Variants in TGM3 observed in about 807,000 individuals in gnomAD.
TGM3 encodes the protein transglutaminase 3, also known as protein-glutamine gamma-glutamyltransferase E.
TGM3 carries 52 observed loss-of-function variants against 73.8 expected under a neutral mutation model. The observed-to-expected ratio is 0.70, with a 90% CI of 0.56 to 0.89. TGM3 has a LOEUF of 0.89. TGM3 is among the 40% of genes least tolerant of loss of function. TGM3 has a pLI of 0.00. For synonymous variants in TGM3, 372 were observed against 354.9 expected, an observed-to-expected ratio of 1.05 and a Z score of -0.54; for missense variants, 928 against 909.9, an observed-to-expected ratio of 1.02 and a Z score of -0.26.
chr20:2,317,138 C>G lies in TGM3; in HGVS notation c.740C>G (p.Pro247Arg). The change falls in exon 6 of 13, where the codon CCA (proline) becomes CGA (arginine). Residue 247 changes from proline (P) to arginine (R), a missense_variant. Pro to Arg is a moderately radical substitution (Grantham distance 103). Transcript: ENST00000381458. ...GGCACTTACACCGGTGGCCGGGACC[C>G]AAGGAGCTGGAACGGCAGCGTGGAG... The part of the protein sequence containing the change: ...WSGTYTGGRD[P>R]RSWNGSVEIL... The G allele has an allele frequency of 6.2e-7, 1 of 1,614,010 alleles. No homozygotes were observed. Among genetic ancestry groups the G allele is most frequent in the Non-Finnish European group, 8.5e-7 (1 of 1,179,988 alleles).
chr20:2,296,330 G>A (rs6036076), intron 1 of TGM3, among the ~76,000 whole-genome samples: 2,738 of 152,258 alleles, frequency 0.018, 93 homozygotes, highest in African/African-American at 0.062. Context: ...GCTGGACATC[G>A]CATCTCCTTA....
rs893464840 is a variant in TGM3 at position 2,309,509 on chromosome 20, C to A, written c.8-148C>A. Reference sequence around the variant, plus strand: ...TGTTCTTGCTATGCAAGATCAAGGTCTTTGGATTTTAATGTGATTCTTTCT... The same window carrying A: ...TGTTCTTGCTATGCAAGATCAAGGTATTTGGATTTTAATGTGATTCTTTCT... On this transcript the variant is annotated intron_variant, in intron 1 of 12. Coordinates refer to ENST00000381458, the MANE Select transcript of TGM3 (RefSeq NM_003245.4). 7.4e-5 allele frequency: 56 copies of A among 757,226 alleles called. No homozygotes were observed. The African/African-American group carries it at 9.2e-4, about 12-fold the overall frequency. The allele number at this position is 757,226 out of a possible 1,614,324, so 46.9% of individuals were successfully genotyped here. A position where few individuals can be genotyped will look rare whatever the true frequency, so the allele number is the denominator to read the frequency against.
At chr20:2,335,001 G>C in intron 10 of TGM3, 115 bp from the exon 11 acceptor site, 1 of 1,347,142 alleles carries the variant, frequency 7.4e-7, no homozygotes, top group South Asian at 1.3e-5. Context: ...AGTCAAGCCC[G>C]GGGCTGCAGA....
At chr20:2,296,880 T>C (rs987359763) in intron 1 of TGM3, among the ~76,000 whole-genome samples, 3 of 152,142 alleles carry the variant, frequency 2.0e-5, no homozygotes, top group Non-Finnish European at 4.4e-5. Flanking sequence ...CCAAACAAGA[T>C]ATGAGTCAAA....
Position 2,328,815 on chromosome 20 carries a change from T to C in TGM3, c.1333+450T>C, listed in dbSNP as rs894336926. On this transcript the variant is annotated intron_variant, in intron 9 of 12. Coordinates refer to ENST00000381458, the MANE Select transcript of TGM3 (RefSeq NM_003245.4). This position sits in a 1 kb window ranked among gnomAD's most constrained non-coding sequence, Gnocchi z 5.2. ...AAAGGGACAAAGAAACCCAGAGACC[T>C]GAGCTTGCACTGTGCACATTTGGAG... Among the ~76,000 whole-genome samples the C allele has an allele frequency of 2.0e-5, 3 of 152,320 alleles. No homozygotes were observed. The highest frequency in any genetic ancestry group is 2.9e-5 in the Non-Finnish European group (2 of 68,028).
Position 2,339,886 on chromosome 20 carries a change from G to C in TGM3, c.1833G>C (p.Val611=). The C allele has an allele frequency of 6.2e-7, 1 of 1,614,156 alleles. No homozygotes were observed. The highest frequency in any genetic ancestry group is 8.5e-7 in the Non-Finnish European group (1 of 1,180,036). Reference sequence around the variant, plus strand: ...ACGAGGCTCGTGTGCGGAAGCCTGTGAACGTGCAGATGCTCTTCTCCAATC... The same window carrying C: ...ACGAGGCTCGTGTGCGGAAGCCTGTCAACGTGCAGATGCTCTTCTCCAATC... ...VLNEARVRKP[V]NVQMLFSNPL... The change falls in exon 12 of 13, where the codon GTG becomes GTC. Residue 611 remains valine (V), a synonymous_variant. Coordinates refer to ENST00000381458, the MANE Select transcript of TGM3 (RefSeq NM_003245.4).
intron 5 of TGM3, among the ~76,000 whole-genome samples, chr20:2,313,944 T>C (rs1024853088): frequency 1.3e-5 from 2 of 151,822 alleles, no homozygotes; most frequent in Admixed American, 6.6e-5. Flanking sequence ...GGTGGGGAGA[T>C]GACTTGAGCC....
At chr20:2,304,854 G>C (rs927262141) in intron 1 of TGM3, among the ~76,000 whole-genome samples, 1 of 152,186 alleles carries the variant, frequency 6.6e-6, no homozygotes, top group Non-Finnish European at 1.5e-5. Context: ...TGCTTCAGAA[G>C]TTGTCACCTG....
At chr20:2,336,476 G>C (rs1488623114) in intron 11 of TGM3, among the ~76,000 whole-genome samples, 7 of 151,772 alleles carry the variant, frequency 4.6e-5, no homozygotes, top group African/African-American at 1.7e-4. Flanking sequence ...AAACCAGGAA[G>C]AGCCAGATAA....
At chr20:2,304,445 G>A (rs1034394670) in intron 1 of TGM3, among the ~76,000 whole-genome samples, 3 of 152,190 alleles carry the variant, frequency 2.0e-5, no homozygotes, top group Non-Finnish European at 2.9e-5. Context: ...TGGAAGAGAT[G>A]TTTTCCTTCC....
intron 7 of TGM3, among the ~76,000 whole-genome samples, chr20:2,320,575 G>A (rs6048122): frequency 0.021 from 3,192 of 152,156 alleles, 116 homozygotes; most frequent in African/African-American, 0.072. Flanking sequence ...CATTTTCTAG[G>A]CCTTTCTTTT....
At chr20:2,338,690 G>A (rs1052321529) in intron 11 of TGM3, among the ~76,000 whole-genome samples, 3 of 152,164 alleles carry the variant, frequency 2.0e-5, no homozygotes, top group African/African-American at 7.2e-5. Context: ...GTTGCTCTGA[G>A]GATTAGTGAC....
intron 4 of TGM3, among the ~76,000 whole-genome samples, chr20:2,312,428 G>A (rs1405431371): frequency 4.6e-5 from 7 of 150,662 alleles, no homozygotes; most frequent in Admixed American, 1.3e-4. Flanking sequence ...AAAAGGATGG[G>A]AGGCAGAGCT....
intron 9 of TGM3, among the ~76,000 whole-genome samples, chr20:2,330,284 C>T (rs1371967787): frequency 6.6e-6 from 1 of 152,170 alleles, no homozygotes. Flanking sequence ...CAGCAGGTGA[C>T]CTATATAGGC....
chr20:2,311,440 A>G (rs1244341019), intron 4 of TGM3, among the ~76,000 whole-genome samples: 1 of 152,194 alleles, frequency 6.6e-6, no homozygotes, highest in African/African-American at 2.4e-5. Flanking sequence ...AATAAATATA[A>G]GGCCCCCAAG....
chr20:2,333,164 C>T (rs1178367979), intron 10 of TGM3, among the ~76,000 whole-genome samples: 3 of 152,168 alleles, frequency 2.0e-5, no homozygotes, highest in Non-Finnish European at 4.4e-5. Context: ...TTATTTGCTT[C>T]ACATAAGGAA....
chr20:2,322,882 A>C (rs1396628075), intron 7 of TGM3, among the ~76,000 whole-genome samples: 1 of 152,248 alleles, frequency 6.6e-6, no homozygotes, highest in African/African-American at 2.4e-5. Flanking sequence ...TAAAAACATT[A>C]TAGAAATAAG....
At chr20:2,310,099 G>T (rs1386089751) in intron 2 of TGM3, 79 bp from the exon 3 acceptor site, 4 of 1,579,570 alleles carry the variant, frequency 2.5e-6, no homozygotes, top group Non-Finnish European at 3.4e-6. Context: ...TCCCCCAGAG[G>T]GGGGTTGTAT....
chr20:2,298,928 T>C (rs1478807222), intron 1 of TGM3, among the ~76,000 whole-genome samples: 1 of 152,100 alleles, frequency 6.6e-6, no homozygotes, highest in Non-Finnish European at 1.5e-5. Context: ...CATGGCCTTC[T>C]TCCACCTGGG....
Sources: gnomAD v4.1 joint callset for allele counts (sites outside exome capture counted in the v4.1 genomes callset) on GRCh38, gnomAD v4.1.1 for gene constraint, Gnocchi (gnomAD v3.1) non-coding constraint, MANE v1.5 for transcripts, NCBI Gene and HGNC (gene_info 2026-07-23, HGNC 2026-07-21) for gene names.